HTR7: variants seen among roughly 807,000 people sequenced by gnomAD.
HTR7 encodes 5-HT-7.
HTR7 carries 16 observed loss-of-function variants against 34.0 expected under a neutral mutation model. The observed-to-expected ratio is 0.47, with a 90% CI of 0.32 to 0.71. The LOEUF is 0.71. Ranked by LOEUF, HTR7 falls within the 30% of genes least tolerant of loss-of-function variation. The probability of loss-of-function intolerance (pLI) is 0.04; values close to 1 mark genes in which losing one functional copy is unlikely to be tolerated. For synonymous variants in HTR7, 265 were observed against 260.2 expected (o/e 1.02, Z -0.18); for missense variants, 504 against 625.5 (o/e 0.81, Z 2.07).
intron 1 of HTR7, among the ~76,000 whole-genome samples, chr10:90,777,413 G>A (rs12416468): frequency 0.1 from 15,313 of 150,632 alleles, 1,011 homozygotes; most frequent in African/African-American, 0.18. Context: ...CCTGGGAGGC[G>A]GAGGTTGCAG....
In HTR7 at chr10:90,743,688, C is replaced by T. The variant is rs748459275; in HGVS notation, c.1298G>A (p.Arg433Lys). 1 of 1,609,902 alleles carries T rather than the reference C, an allele frequency of 6.2e-7. No homozygotes were observed. Among genetic ancestry groups the T allele is most frequent in the Non-Finnish European group, 8.5e-7 (1 of 1,176,298 alleles). Reference sequence around the variant, plus strand: ...CAACAGCACCCTCCTTGTGCAGGCCCTCCTGCAATTTATGGCAATTCAAAG... The same window carrying T: ...CAACAGCACCCTCCTTGTGCAGGCCTTCCTGCAATTTATGGCAATTCAAAG... ...ERPERPEFVL[R>K]ACTRRVLLRP... The change falls in exon 3 of 4, where the codon AGG (arginine) becomes AAG (lysine). Residue 433 changes from arginine (R) to lysine (K), a missense_variant and splice_region_variant. Arg to Lys is a conservative substitution (Grantham distance 26). Transcript: ENST00000336152.
At chr10:90,755,976 C>A (rs974744982) in intron 1 of HTR7, among the ~76,000 whole-genome samples, 1 of 152,140 alleles carries the variant, frequency 6.6e-6, no homozygotes, top group African/African-American at 2.4e-5. Flanking sequence ...TAGTATAACT[C>A]TATAATAGTA....
chr10:90,775,637 G>C (rs1845194038), intron 1 of HTR7, among the ~76,000 whole-genome samples: 2 of 152,186 alleles, frequency 1.3e-5, no homozygotes, highest in African/African-American at 4.8e-5. Flanking sequence ...GGTTGAGCAG[G>C]GGAAGACTTG....
chr10:90,763,228 T>C (rs1161034553), intron 1 of HTR7, among the ~76,000 whole-genome samples: 1 of 152,214 alleles, frequency 6.6e-6, no homozygotes, highest in Non-Finnish European at 1.5e-5. Context: ...CTGGATTTTA[T>C]GGGCATTTTA....
chr10:90,841,462 G>A (rs887961119), intron 1 of HTR7, among the ~76,000 whole-genome samples: 1 of 152,184 alleles, frequency 6.6e-6, no homozygotes, highest in East Asian at 1.9e-4. Flanking sequence ...CCTTTCTGGA[G>A]ACTCTAGAGA....
intron 1 of HTR7, among the ~76,000 whole-genome samples, chr10:90,850,668 T>G (rs1846483472): frequency 6.6e-6 from 1 of 152,008 alleles, no homozygotes; most frequent in Non-Finnish European, 1.5e-5. Context: ...GGTAGAGAAT[T>G]TCACCAAAAA....
intron 1 of HTR7, among the ~76,000 whole-genome samples, chr10:90,788,207 T>C (rs181456107): frequency 1.8e-4 from 28 of 152,254 alleles, no homozygotes; most frequent in Admixed American, 1.5e-3. Context: ...GTAGGTGCTT[T>C]GCCATCATTC....
At chr10:90,751,241 G>A (rs1395714000) in intron 1 of HTR7, among the ~76,000 whole-genome samples, 2 of 152,126 alleles carry the variant, frequency 1.3e-5, no homozygotes, top group African/African-American at 4.8e-5. Flanking sequence ...GCAAGAATAA[G>A]AGCTAAGAAA....
chr10:90,818,923 ATC>A (rs944754066), intron 1 of HTR7, among the ~76,000 whole-genome samples: 1 of 151,958 alleles, frequency 6.6e-6, no homozygotes, highest in Non-Finnish European at 1.5e-5. Flanking sequence ...CACTTCCCCC[ATC>A]TCTCTCTTCC....
chr10:90,808,849 A>G (rs150133495), intron 1 of HTR7, among the ~76,000 whole-genome samples: 1 of 152,320 alleles, frequency 6.6e-6, no homozygotes, highest in African/African-American at 2.4e-5. Context: ...CAACAGTGGT[A>G]CCAAATAGCC....
Position 90,857,394 on chromosome 10 carries a change from A to G in HTR7, c.278T>C (p.Leu93Pro), listed in dbSNP as rs1156961391. Residue 93 changes from leucine (L) to proline (P), a missense_variant, in exon 1 of 4, where the codon CTG becomes CCG. By Grantham distance (98) the Leu-to-Pro change is moderately conservative (BLOSUM62 -3). Coordinates refer to ENST00000336152, the MANE Select transcript of HTR7 (RefSeq NM_019859.4). The surrounding 1 kb of genome is among the most constrained non-coding windows in gnomAD (Gnocchi z 6.5). ...CAGGCAGTTGCCCGCGATCGTCAGC[A>G]GCGTGATGAGCGTCAGGATGGAGCC... Reference protein sequence around the residue: ...VIGSILTLITLLTIAGNCLVV... With the variant: ...VIGSILTLITPLTIAGNCLVV... 1.2e-6 allele frequency: 2 copies of G among 1,614,086 alleles called. No homozygotes were observed. The highest frequency in any genetic ancestry group is 2.2e-5 in the East Asian group (1 of 44,850).
At chr10:90,811,100 A>C (rs112875067) in intron 1 of HTR7, among the ~76,000 whole-genome samples, 42,520 of 151,954 alleles carry the variant, frequency 0.28, 6,515 homozygotes, top group African/African-American at 0.41. Flanking sequence ...AGACTGCCCC[A>C]ACCCGAGCGC....
At chr10:90,774,124 A>G (rs1845165233) in intron 1 of HTR7, among the ~76,000 whole-genome samples, 1 of 152,158 alleles carries the variant, frequency 6.6e-6, no homozygotes, top group South Asian at 2.1e-4. Flanking sequence ...TAAAAAAAAA[A>G]GCTCAGGTTA....
At chr10:90,791,842 T>C (rs1040040639) in intron 1 of HTR7, among the ~76,000 whole-genome samples, 5 of 152,168 alleles carry the variant, frequency 3.3e-5, no homozygotes, top group African/African-American at 1.2e-4. Context: ...ACAGGGGTTT[T>C]GGCTCCTCAA....
Position 90,743,627 on chromosome 10 carries a change from C to T in HTR7, c.1359G>A (p.Val453=), listed in dbSNP as rs545900654. 14 of 1,614,014 alleles carry T rather than the reference C, an allele frequency of 8.7e-6. No homozygotes were observed. The East Asian group carries it at 2.0e-4, about 23-fold the overall frequency. Residue 453 remains valine (V), a synonymous_variant, in exon 3 of 4, where the codon GTG becomes GTA. Transcript: ENST00000336152. ...PEKRPPVSVW[V]LQSPDHHNWL... ...AATTGTGATGGTCTGGAGATTGTAG[C>T]ACCCACACAGATACCGGTGGCCTCT...
intron 1 of HTR7, among the ~76,000 whole-genome samples, chr10:90,825,486 T>C (rs906406165): frequency 4.0e-5 from 6 of 151,836 alleles, no homozygotes; most frequent in Non-Finnish European, 8.8e-5. Context: ...CCCAGGAAAA[T>C]ATGATCTCAA....
chr10:90,811,435 C>T (rs888922598), intron 1 of HTR7, among the ~76,000 whole-genome samples: 1 of 152,060 alleles, frequency 6.6e-6, no homozygotes, highest in African/African-American at 2.4e-5. Flanking sequence ...GACGTTCACC[C>T]CATTTCCCCA....
At chr10:90,788,245 AC>A (rs1845411267) in intron 1 of HTR7, among the ~76,000 whole-genome samples, 1 of 151,954 alleles carries the variant, frequency 6.6e-6, no homozygotes, top group South Asian at 2.1e-4. Context: ...TGATCTGATA[AC>A]CCCCCAGATT....
At position 90,785,862 on chromosome 10, in the gene HTR7, G is replaced by T. The variant is rs114494131; in HGVS notation, c.540-36268C>A. Among the ~76,000 whole-genome samples, 9 of 152,260 alleles carry T rather than the reference G, an allele frequency of 5.9e-5. No individual in the cohort carries two copies. In the East Asian group the frequency reaches 1.7e-3, roughly 29 times the overall value. ...AGAATACAGCAATCCACAAAGTCTT[G>T]TGGCCTTGACGCCCCTTCTTGGGAG... On this transcript the variant is annotated intron_variant, in intron 1 of 3. Transcript: ENST00000336152.
Sources: gnomAD v4.1 joint callset for allele counts (sites outside exome capture counted in the v4.1 genomes callset) on GRCh38, gnomAD v4.1.1 for gene constraint, Gnocchi (gnomAD v3.1) non-coding constraint, MANE v1.5 for transcripts, NCBI Gene and HGNC (gene_info 2026-07-23, HGNC 2026-07-21) for gene names.